The following C12orf42 variants were observed in gnomAD, a reference collection of about 807,000 sequenced individuals.
C12orf42 encodes uncharacterized protein C12orf42.
Under a neutral mutation model 21.6 loss-of-function variants are expected in C12orf42, and 25 were observed. That is an observed-to-expected ratio of 1.16 (90% CI 0.84 to 1.62). The LOEUF (loss-of-function observed/expected upper bound fraction) is 1.62, where lower values mean the gene tolerates loss of function less well. Among genes scored for constraint, C12orf42 ranks in the 40% most tolerant of loss-of-function variants. C12orf42 has a pLI of 0.00. For synonymous variants in C12orf42, 174 were observed against 175.0 expected (o/e 0.99, Z 0.05); for missense variants, 483 against 459.3 (o/e 1.05, Z -0.47).
chr12:103,428,920 C>A (rs796576264), intron 2 of C12orf42, among the ~76,000 whole-genome samples: 2 of 152,004 alleles, frequency 1.3e-5, no homozygotes, highest in Non-Finnish European at 2.9e-5. Context: ...ATTCAACACC[C>A]CTTCATGCTA....
the C12orf42 span, among the ~76,000 whole-genome samples, chr12:103,055,824 G>A: frequency 1.3e-5 from 2 of 152,000 alleles, no homozygotes; most frequent in African/African-American, 4.8e-5. Flanking sequence ...ATTTAGAAGT[G>A]TATTGTTTAG....
intron 4 of C12orf42, among the ~76,000 whole-genome samples, chr12:103,315,954 C>T (rs892594121): frequency 6.3e-4 from 96 of 151,452 alleles, no homozygotes; most frequent in African/African-American, 1.8e-3. Context: ...TATTTCAAAA[C>T]ATCACACTTC....
At chr12:103,124,620 C>T in the C12orf42 span, among the ~76,000 whole-genome samples, 1 of 152,032 alleles carries the variant, frequency 6.6e-6, no homozygotes, top group African/African-American at 2.4e-5. Context: ...TGCCTGGATA[C>T]AGATCAGAAA....
At chr12:103,535,017 TCAGGAAATCAGGG>T in the C12orf42 span, among the ~76,000 whole-genome samples, 1 of 152,182 alleles carries the variant, frequency 6.6e-6, no homozygotes, top group Admixed American at 6.5e-5. Flanking sequence ...GAGACTGAGC[TCAGGAAATCAGGG>T]CAGGAAAGCA....
At chr12:103,435,355 C>A (rs1231833700) in intron 2 of C12orf42, among the ~76,000 whole-genome samples, 1 of 152,210 alleles carries the variant, frequency 6.6e-6, no homozygotes, top group African/African-American at 2.4e-5. Flanking sequence ...TCTCCTCCTC[C>A]AAAGGAACGC....
At chr12:103,356,563 T>C (rs556501873) in intron 4 of C12orf42, among the ~76,000 whole-genome samples, 36 of 151,858 alleles carry the variant, frequency 2.4e-4, no homozygotes, top group Non-Finnish European at 3.5e-4. Flanking sequence ...CTGGGTCAAA[T>C]GGTATTTCTA....
At chr12:103,215,840 G>A in the C12orf42 span, among the ~76,000 whole-genome samples, 7 of 152,192 alleles carry the variant, frequency 4.6e-5, no homozygotes, top group Admixed American at 3.9e-4. Flanking sequence ...TTCTAAACAT[G>A]CTGGATGAGA....
At chr12:103,513,964 T>C in the C12orf42 span, among the ~76,000 whole-genome samples, 1 of 152,240 alleles carries the variant, frequency 6.6e-6, no homozygotes, top group African/African-American at 2.4e-5. Flanking sequence ...ATTCTCATGT[T>C]GTGAATAAAG....
chr12:103,151,389 C>T, the C12orf42 span, among the ~76,000 whole-genome samples: 1 of 151,800 alleles, frequency 6.6e-6, no homozygotes, highest in Non-Finnish European at 1.5e-5. Flanking sequence ...CTTAGGAGGC[C>T]TAAATAGCTT....
chr12:103,414,190 G>A (rs1301708002), intron 2 of C12orf42, among the ~76,000 whole-genome samples: 2 of 152,052 alleles, frequency 1.3e-5, no homozygotes, highest in Non-Finnish European at 2.9e-5. Flanking sequence ...GCAGGAGTAA[G>A]GTGGCATCAC....
chr12:103,423,089 C>T (rs1465454924), intron 2 of C12orf42, among the ~76,000 whole-genome samples: 1 of 152,226 alleles, frequency 6.6e-6, no homozygotes, highest in African/African-American at 2.4e-5. Context: ...CATTATTACA[C>T]AAATACCTAC....
chr12:103,079,580 A>G, the C12orf42 span, among the ~76,000 whole-genome samples: 1 of 152,242 alleles, frequency 6.6e-6, no homozygotes, highest in African/African-American at 2.4e-5. Flanking sequence ...TGGCTGAGTC[A>G]TCTTTGTCAG....
the C12orf42 span, among the ~76,000 whole-genome samples, chr12:103,087,619 A>G: frequency 6.6e-6 from 1 of 152,250 alleles, no homozygotes; most frequent in Non-Finnish European, 1.5e-5. Flanking sequence ...GAGCACTTAT[A>G]TGGGCCAGGT....
intron 10 of C12orf42, among the ~76,000 whole-genome samples, chr12:103,242,564 G>A (rs185868955): frequency 6.6e-6 from 1 of 151,734 alleles, no homozygotes; most frequent in Admixed American, 6.6e-5. Context: ...AATTTAAAAG[G>A]TCACAAAACA....
the C12orf42 span, among the ~76,000 whole-genome samples, chr12:103,089,433 A>G: frequency 6.6e-6 from 1 of 152,238 alleles, no homozygotes; most frequent in Admixed American, 6.5e-5. Flanking sequence ...GAAAATAAAT[A>G]TGTACTGTCA....
downstream of C12orf42, among the ~76,000 whole-genome samples, chr12:103,264,375 G>A (rs894842249): frequency 2.0e-5 from 3 of 152,088 alleles, no homozygotes; most frequent in African/African-American, 7.2e-5. Flanking sequence ...TTCAGAGTGG[G>A]CTGCTCATTT....
At chr12:103,196,101 G>T in the C12orf42 span, among the ~76,000 whole-genome samples, 1 of 152,040 alleles carries the variant, frequency 6.6e-6, no homozygotes. Flanking sequence ...CACTGTGTTA[G>T]CAGTATCCCA....
At chr12:103,369,365 T>A (rs1270223566) in intron 3 of C12orf42, among the ~76,000 whole-genome samples, 1 of 151,960 alleles carries the variant, frequency 6.6e-6, no homozygotes, top group East Asian at 1.9e-4. Context: ...AACAAATATA[T>A]CTACAATAGA....
chr12:103,169,159 TATAAATAAATAAATAA>T, the C12orf42 span, among the ~76,000 whole-genome samples: 11,017 of 145,450 alleles, frequency 0.076, 643 homozygotes, highest in East Asian at 0.31. Context: ...TAAAGTATAA[TATAAATAAATAAATAA>T]ATAAATAAAT....
Sources: gnomAD v4.1 joint callset for allele counts (sites outside exome capture counted in the v4.1 genomes callset) on GRCh38, gnomAD v4.1.1 for gene constraint, MANE v1.5 for transcripts, NCBI Gene and HGNC (gene_info 2026-07-23, HGNC 2026-07-21) for gene names.